The following RAB11FIP4 variants were observed in gnomAD, a reference collection of about 807,000 sequenced individuals.
The protein encoded by RAB11FIP4 is RAB11 family interacting protein 4.
RAB11FIP4 carries 23 observed loss-of-function variants against 74.3 expected under a neutral mutation model. That is an observed-to-expected ratio of 0.31 (90% CI 0.22 to 0.44). The LOEUF (loss-of-function observed/expected upper bound fraction) is 0.44. RAB11FIP4 is among the 20% of genes least tolerant of loss of function. The pLI is 1.00. For synonymous variants in RAB11FIP4, 360 were observed against 359.9 expected, an observed-to-expected ratio of 1.00 and a Z score of 0.00; for missense variants, 630 against 863.9, an observed-to-expected ratio of 0.73 and a Z score of 3.39.
chr17:31,475,615 C>T (rs1008528152), intron 3 of RAB11FIP4, among the ~76,000 whole-genome samples: 3 of 152,116 alleles, frequency 2.0e-5, no homozygotes, highest in African/African-American at 4.8e-5. Context: ...AATCAATACT[C>T]GCAGAGCCTT....
rs1020824833 is a variant in RAB11FIP4 at position 31,531,975 on chromosome 17, G to A, written c.*243G>A. 1.5e-5 allele frequency: 7 copies of A among 462,234 alleles called. No individual in the cohort carries two copies. The highest frequency in any genetic ancestry group is 1.4e-4 in the African/African-American group (7 of 51,338). The allele number at this position is 462,234 out of a possible 1,614,324, so 28.6% of individuals were successfully genotyped here. On this transcript the variant is annotated 3_prime_UTR_variant, in exon 15 of 15. Coordinates refer to ENST00000621161, the MANE Select transcript of RAB11FIP4 (RefSeq NM_032932.6). ...GCACTTTGTGGCCCCTTTGCAAGGG[G>A]CAGAGGGTACTGGAAGTGGGAGGAG...
intron 1 of RAB11FIP4, among the ~76,000 whole-genome samples, chr17:31,394,840 C>T (rs999530693): frequency 7.0e-6 from 1 of 142,644 alleles, no homozygotes; most frequent in African/African-American, 2.6e-5. Flanking sequence ...GACCGAGACC[C>T]GTGGAAATAT....
intron 1 of RAB11FIP4, among the ~76,000 whole-genome samples, chr17:31,394,005 C>T (rs1044124764): frequency 3.3e-5 from 5 of 152,178 alleles, no homozygotes; most frequent in Non-Finnish European, 1.5e-5. Context: ...TATTAAGTTT[C>T]TGGCCACCGA....
At chr17:31,402,673 G>A (rs1431380990) in intron 1 of RAB11FIP4, among the ~76,000 whole-genome samples, 5 of 150,400 alleles carry the variant, frequency 3.3e-5, no homozygotes, top group South Asian at 2.1e-4. Context: ...CCAGGCTGGC[G>A]TGCAGTGGCG....
chr17:31,416,256 C>T (rs1218792621), intron 1 of RAB11FIP4, among the ~76,000 whole-genome samples: 1 of 152,236 alleles, frequency 6.6e-6, no homozygotes, highest in Non-Finnish European at 1.5e-5. Flanking sequence ...TCCACAACCA[C>T]ATACCCCCTC....
intron 3 of RAB11FIP4, among the ~76,000 whole-genome samples, chr17:31,442,322 G>A (rs1597919021): frequency 1.3e-5 from 2 of 152,224 alleles, no homozygotes; most frequent in South Asian, 2.1e-4. Context: ...TATTTTTAAC[G>A]TAATTTGGGG....
At chr17:31,430,957 G>A (rs1380453042) in intron 1 of RAB11FIP4, among the ~76,000 whole-genome samples, 1 of 152,114 alleles carries the variant, frequency 6.6e-6, no homozygotes, top group Non-Finnish European at 1.5e-5. Flanking sequence ...ATTGGAGGGG[G>A]TGATCACTGG....
At chr17:31,457,311 A>G (rs2071588085) in intron 3 of RAB11FIP4, among the ~76,000 whole-genome samples, 1 of 152,018 alleles carries the variant, frequency 6.6e-6, no homozygotes, top group South Asian at 2.1e-4. Flanking sequence ...TTGTTCACTG[A>G]CGTTGACTGA....
chr17:31,523,343 G>T, intron 7 of RAB11FIP4, 169 bp from the exon 8 acceptor site: 2 of 654,716 alleles, frequency 3.1e-6, no homozygotes, highest in South Asian at 1.7e-5. Flanking sequence ...CCTCTGGGCG[G>T]GGTGATCCGC....
chr17:31,393,202 G>A (rs1454116639), intron 1 of RAB11FIP4, among the ~76,000 whole-genome samples: 2 of 152,256 alleles, frequency 1.3e-5, no homozygotes, highest in Non-Finnish European at 2.9e-5. Flanking sequence ...CCACAGGAAA[G>A]ACCACTGCAG....
intron 3 of RAB11FIP4, among the ~76,000 whole-genome samples, chr17:31,472,054 C>T (rs756005567): frequency 1.1e-4 from 17 of 151,742 alleles, no homozygotes; most frequent in Admixed American, 2.0e-4. Flanking sequence ...CCCAGCTACT[C>T]GGAAGGCTGA....
chr17:31,404,863 G>A (rs1164447812), intron 1 of RAB11FIP4, among the ~76,000 whole-genome samples: 4 of 152,124 alleles, frequency 2.6e-5, no homozygotes, highest in Admixed American at 1.3e-4. Flanking sequence ...CTTCAGAAAT[G>A]GATGGCGGGG....
At position 31,506,916 on chromosome 17, in the gene RAB11FIP4, G is replaced by A. The variant is rs558989768; in HGVS notation, c.337-10735G>A. ...TTGTATACCTAGTAGATGAATTGTT[G>A]GATCATATGATAGTTTTAAATTCTT... On this transcript the variant is annotated intron_variant, in intron 3 of 14. Transcript: ENST00000621161. 7.9e-5 allele frequency among the ~76,000 whole-genome samples: 12 copies of A among 152,206 alleles called. No individual in the cohort carries two copies. In the East Asian group the frequency reaches 2.3e-3, roughly 29 times the overall value.
chr17:31,456,605 C>T (rs1280805547), intron 3 of RAB11FIP4, among the ~76,000 whole-genome samples: 1 of 152,206 alleles, frequency 6.6e-6, no homozygotes, highest in East Asian at 1.9e-4. Flanking sequence ...GCATAACTAT[C>T]CCCTTGCTGT....
rs60955293 is a variant in RAB11FIP4 at position 31,463,803 on chromosome 17, C to CTTTTTTTTTTTTT, written c.336+29697_336+29709dup. ...ACAGGTGTGAGCCACTGCGCCTGGA[C>CTTTTTTTTTTTTT]TTTTTTTTTTTTTTTTTTTTTTTTT... On this transcript the variant is annotated intron_variant, in intron 3 of 14. Transcript: ENST00000621161. 1.4e-3 allele frequency among the ~76,000 whole-genome samples: 47 copies of CTTTTTTTTTTTTT among 32,840 alleles called. 17 individuals are homozygous for CTTTTTTTTTTTTT. The highest frequency in any genetic ancestry group is 3.0e-3 in the Admixed American group (5 of 1,654). 21.5% of individuals were successfully genotyped at this position (32,840 alleles called of 152,430 possible). A position where few individuals can be genotyped will look rare whatever the true frequency, so the allele number is the denominator to read the frequency against.
At chr17:31,508,746 T>G (rs967673448) in intron 3 of RAB11FIP4, among the ~76,000 whole-genome samples, 9 of 152,122 alleles carry the variant, frequency 5.9e-5, no homozygotes, top group African/African-American at 2.2e-4. Flanking sequence ...TGTGCATCTC[T>G]CTTAGTTGAG....
intron 3 of RAB11FIP4, among the ~76,000 whole-genome samples, chr17:31,467,606 G>A (rs751219631): frequency 6.6e-6 from 1 of 152,094 alleles, no homozygotes; most frequent in Admixed American, 6.5e-5. Context: ...GGCTTTGTGA[G>A]CACATTCTGA....
chr17:31,525,202 G>A lies in RAB11FIP4; in HGVS notation c.1246G>A (p.Ala416Thr). ...EAYGKLEREK[A>T]TEVELLNARV... ...CTACGGCAAGCTGGAGAGGGAGAAG[G>A]CTACCGAGGTGGAGCTGCTCAATGC... Residue 416 changes from alanine to threonine, a missense_variant, in exon 10 of 15, where the codon GCT becomes ACT. Transcript: ENST00000621161. 1.3e-6 allele frequency: 2 copies of A among 1,548,586 alleles called. No homozygotes were observed. The highest frequency in any genetic ancestry group is 1.7e-6 in the Non-Finnish European group (2 of 1,146,798).
intron 3 of RAB11FIP4, among the ~76,000 whole-genome samples, chr17:31,469,041 A>G (rs2071713155): frequency 6.6e-6 from 1 of 152,216 alleles, no homozygotes; most frequent in Admixed American, 6.5e-5. Context: ...TGTCTGGCAC[A>G]GAATAAGCCC....
Sources: allele counts gnomAD v4.1 joint callset (sites outside exome capture counted in the v4.1 genomes callset), GRCh38; gene constraint gnomAD v4.1.1; transcripts MANE v1.5; gene names NCBI Gene and HGNC (gene_info 2026-07-23, HGNC 2026-07-21).